The following PDE1A variants were observed in gnomAD, a reference collection of about 807,000 sequenced individuals.
The protein encoded by PDE1A is phosphodiesterase 1A.
PDE1A carries 35 observed loss-of-function variants against 61.7 expected under a neutral mutation model. The observed-to-expected ratio is 0.57, with a 90% CI of 0.43 to 0.75. The LOEUF (loss-of-function observed/expected upper bound fraction) is 0.75. PDE1A is among the 30% of genes least tolerant of loss of function. PDE1A has a pLI of 0.00. For missense variants in PDE1A, 597 were observed against 630.6 expected (o/e 0.95, Z 0.57); for synonymous variants, 232 against 213.2 (o/e 1.09, Z -0.77).
chr2:182,469,993 T>C (rs1208684095), intron 2 of PDE1A, among the ~76,000 whole-genome samples: 5 of 151,606 alleles, frequency 3.3e-5, no homozygotes, highest in South Asian at 4.2e-4. Flanking sequence ...ACAAAGATCA[T>C]TGATCACAGA....
chr2:182,623,149 A>G, the PDE1A span, among the ~76,000 whole-genome samples: 1 of 152,196 alleles, frequency 6.6e-6, no homozygotes, highest in East Asian at 1.9e-4. Context: ...CCTGGCAAGA[A>G]GAAGGAGGAA....
the PDE1A span, among the ~76,000 whole-genome samples, chr2:182,665,615 G>T: frequency 6.6e-6 from 1 of 152,148 alleles, no homozygotes; most frequent in African/African-American, 2.4e-5. Context: ...TACACTGTTG[G>T]TGGGAATGTA....
chr2:182,582,453 A>G, the PDE1A span, among the ~76,000 whole-genome samples: 2 of 152,246 alleles, frequency 1.3e-5, no homozygotes, highest in African/African-American at 4.8e-5. Context: ...ATAAAACAGT[A>G]TAACTGAAAT....
chr2:182,336,599 C>T (rs750908043), intron 1 of PDE1A, among the ~76,000 whole-genome samples: 14 of 152,100 alleles, frequency 9.2e-5, no homozygotes, highest in Non-Finnish European at 1.3e-4. Context: ...AGAGGAACGT[C>T]ACACACCAGG....
At chr2:182,558,435 T>C in the PDE1A span, among the ~76,000 whole-genome samples, 1 of 152,170 alleles carries the variant, frequency 6.6e-6, no homozygotes, top group Non-Finnish European at 1.5e-5. Flanking sequence ...TTTGACAGTC[T>C]GTAATAATAT....
intron 2 of PDE1A, among the ~76,000 whole-genome samples, chr2:182,248,881 G>A (rs1000151070): frequency 6.6e-6 from 1 of 152,188 alleles, no homozygotes; most frequent in Non-Finnish European, 1.5e-5. Flanking sequence ...ACGCAGCAAC[G>A]AACTCATTCA....
At chr2:182,644,130 C>CACACACACACACACACACACAA in the PDE1A span, among the ~76,000 whole-genome samples, 1 of 144,140 alleles carries the variant, frequency 6.9e-6, no homozygotes, top group South Asian at 2.2e-4. Context: ...TCAATGATTA[C>CACACACACACACACACACACAA]ACACACACAC....
At chr2:182,298,364 A>G (rs1183932644) in intron 1 of PDE1A, among the ~76,000 whole-genome samples, 1 of 152,184 alleles carries the variant, frequency 6.6e-6, no homozygotes, top group Non-Finnish European at 1.5e-5. Flanking sequence ...GTATTTAAAC[A>G]CACCTGTCTT....
At chr2:182,572,064 C>CT in the PDE1A span, among the ~76,000 whole-genome samples, 1 of 152,074 alleles carries the variant, frequency 6.6e-6, no homozygotes, top group African/African-American at 2.4e-5. Context: ...GAGGCAGAGA[C>CT]TTTTTTTGGG....
chr2:182,314,016 G>A (rs1370668), intron 1 of PDE1A, among the ~76,000 whole-genome samples: 36,209 of 151,986 alleles, frequency 0.24, 4,669 homozygotes, highest in East Asian at 0.48. Context: ...ATACAGTCCA[G>A]CAATGCCATT....
chr2:182,365,396 T>C (rs778235866), intron 1 of PDE1A, among the ~76,000 whole-genome samples: 7 of 152,008 alleles, frequency 4.6e-5, no homozygotes, highest in African/African-American at 7.2e-5. Flanking sequence ...TTTAGATGAT[T>C]CCTCTGCTGG....
the PDE1A span, among the ~76,000 whole-genome samples, chr2:182,637,439 A>G: frequency 6.6e-6 from 1 of 152,224 alleles, no homozygotes; most frequent in Non-Finnish European, 1.5e-5. Flanking sequence ...ATCTAAGCAT[A>G]AGAATCTGAA....
chr2:182,166,004 C>T (rs1210652), downstream of PDE1A, among the ~76,000 whole-genome samples: 113,239 of 152,056 alleles, frequency 0.74, 42,419 homozygotes, highest in East Asian at 0.91. Context: ...GATTAGTACA[C>T]GTTGGCTTGT....
At chr2:182,571,744 G>A in the PDE1A span, among the ~76,000 whole-genome samples, 3 of 151,986 alleles carry the variant, frequency 2.0e-5, no homozygotes, top group South Asian at 6.2e-4. Flanking sequence ...TCCGAGAGTA[G>A]CAAAAAAAGC....
intron 2 of PDE1A, among the ~76,000 whole-genome samples, chr2:182,451,378 C>CAAAAAAA (rs1219608685): frequency 2.4e-4 from 3 of 12,288 alleles, no homozygotes; most frequent in African/African-American, 9.8e-4. Context: ...GACTCCGTCT[C>CAAAAAAA]AAAAAAAAAA....
At chr2:182,416,705 T>C (rs760804940) in intron 1 of PDE1A, among the ~76,000 whole-genome samples, 12 of 152,198 alleles carry the variant, frequency 7.9e-5, no homozygotes, top group South Asian at 4.1e-4. Context: ...AAAGAAGGCA[T>C]GTTTTGGAGA....
At chr2:182,627,094 TATG>T in the PDE1A span, among the ~76,000 whole-genome samples, 9 of 34,532 alleles carry the variant, frequency 2.6e-4, 1 homozygote, top group Admixed American at 6.3e-4. Context: ...AATGATATAT[TATG>T]TATATATAAA....
intron 13 of PDE1A, among the ~76,000 whole-genome samples, chr2:182,175,974 T>A (rs1301104647): frequency 1.6e-3 from 240 of 146,186 alleles, no homozygotes; most frequent in Non-Finnish European, 3.0e-3. Context: ...TTCTCAGGTT[T>A]GTCAAAGATC....
intron 13 of PDE1A, among the ~76,000 whole-genome samples, chr2:182,157,742 T>A (rs1691173693): frequency 6.6e-6 from 1 of 152,210 alleles, no homozygotes; most frequent in African/African-American, 2.4e-5. Context: ...TCTAGGAGTC[T>A]ATAGATATCC....
Sources: gnomAD v4.1 joint callset for allele counts (sites outside exome capture counted in the v4.1 genomes callset) on GRCh38, gnomAD v4.1.1 for gene constraint, MANE v1.5 for transcripts, NCBI Gene and HGNC (gene_info 2026-07-23, HGNC 2026-07-21) for gene names.